FBXO41: variants seen among roughly 807,000 people sequenced by gnomAD.
FBXO41 encodes the protein F-box protein 41.
A neutral mutation model predicts 81.6 loss-of-function variants in FBXO41; 33 were observed. The observed-to-expected ratio is 0.40, with a 90% CI of 0.31 to 0.54. The LOEUF (loss-of-function observed/expected upper bound fraction) is 0.54. FBXO41 is among the 20% of genes least tolerant of loss of function. The probability of loss-of-function intolerance (pLI) is 0.39; values close to 1 mark genes in which losing one functional copy is unlikely to be tolerated. For synonymous variants in FBXO41, 576 were observed against 552.7 expected (o/e 1.04, Z -0.59); for missense variants, 1,107 against 1,236.0 (o/e 0.90, Z 1.56).
Position 73,258,903 on chromosome 2 carries a change from C to G in FBXO41, c.*79G>C, listed in dbSNP as rs757420604. 9.1e-5 allele frequency: 132 copies of G among 1,448,602 alleles called. No homozygotes were observed. The highest frequency in any genetic ancestry group is 1.2e-4 in the Non-Finnish European group (130 of 1,083,728). 89.7% of individuals were successfully genotyped at this position (1,448,602 alleles called of 1,614,324 possible). ...AACACTCGGCCTCCAAAGGTCTAGT[C>G]CAAACCAGGGTCCCTCTGAGGTCCA... On this transcript the variant is annotated 3_prime_UTR_variant, in exon 13 of 13. Coordinates refer to ENST00000520530, the MANE Select transcript of FBXO41 (RefSeq NM_001371389.2).
chr2:73,269,528 A>G lies in FBXO41; in HGVS notation c.103T>C (p.Tyr35His). The change falls in exon 2 of 13, where the codon TAC becomes CAC. Residue 35 changes from tyrosine to histidine, a missense_variant. This residue lies in a region of FBXO41 where 771 missense variants were observed against 789.2 expected (regional missense o/e 0.98). Coordinates refer to ENST00000520530, the MANE Select transcript of FBXO41 (RefSeq NM_001371389.2). The surrounding 1 kb of genome is among the most constrained non-coding windows in gnomAD (Gnocchi z 7.0). ...TTGGAGAGGATGTAGAGCGTCTCGT[A>G]GGTGTGGCTGTACTCCAGGTGCGCG... ...LRAHLEYSHTYETLYILSKTN... is the reference protein window; with the variant it reads ...LRAHLEYSHTHETLYILSKTN... 7.3e-7 allele frequency: 1 copy of G among 1,367,046 alleles called. No homozygotes were observed. Among genetic ancestry groups the G allele is most frequent in the East Asian group, 3.8e-5 (1 of 26,462 alleles). 84.7% of individuals were successfully genotyped at this position (1,367,046 alleles called of 1,614,324 possible).
chr2:73,265,661 C>T, intron 4 of FBXO41, 21 bp from the exon 5 acceptor site: 1 of 1,486,782 alleles, frequency 6.7e-7, no homozygotes. Context: ...GTGGACCACA[C>T]AGTAAGGGGT....
chr2:73,277,875 C>T (rs1209741188), intron 1 of FBXO41, among the ~76,000 whole-genome samples: 1 of 152,214 alleles, frequency 6.6e-6, no homozygotes, highest in African/African-American at 2.4e-5. Context: ...AAGTCTTCTT[C>T]ACCTTTTGGT....
chr2:73,270,124 A>G (rs770239493), intron 1 of FBXO41, among the ~76,000 whole-genome samples: 2 of 152,226 alleles, frequency 1.3e-5, no homozygotes, highest in Non-Finnish European at 2.9e-5. Flanking sequence ...ACACAGTGAC[A>G]TGGATGAGTC....
In FBXO41 at chr2:73,264,275, T is replaced by C; in HGVS notation, c.1806+3A>G. 1 of 1,612,970 alleles carries C rather than the reference T, an allele frequency of 6.2e-7. No individual in the cohort carries two copies. Reference sequence around the variant, plus strand: ...GGCACAGAAGGCAGGCAGGGGCAGGTACCTTGGAGCAGACACGGGCATTCT... The same window carrying C: ...GGCACAGAAGGCAGGCAGGGGCAGGCACCTTGGAGCAGACACGGGCATTCT... On this transcript the variant is annotated splice_donor_region_variant and intron_variant, in intron 6 of 12. Coordinates refer to ENST00000520530, the MANE Select transcript of FBXO41 (RefSeq NM_001371389.2).
At position 73,266,433 on chromosome 2, in the gene FBXO41, G is replaced by A; in HGVS notation, c.1131+24C>T. On this transcript the variant is annotated intron_variant, in intron 3 of 12. Transcript: ENST00000520530. The surrounding 1 kb of genome is among the most constrained non-coding windows in gnomAD (Gnocchi z 5.3). ...TGGGGGGCCAGGTGTGCAGGTAGAGGAGGGAAGGCAGGTGGGCACTCACCA... is the reference window on the plus strand; with the variant it reads ...TGGGGGGCCAGGTGTGCAGGTAGAGAAGGGAAGGCAGGTGGGCACTCACCA... 3 of 1,468,372 alleles carry A rather than the reference G, an allele frequency of 2.0e-6. No homozygotes were observed. The highest frequency in any genetic ancestry group is 2.6e-5 in the East Asian group (1 of 38,440). 91.0% of individuals were successfully genotyped at this position (1,468,372 alleles called of 1,614,324 possible). A position where few individuals can be genotyped will look rare whatever the true frequency, so the allele number is the denominator to read the frequency against.
chr2:73,273,057 C>T (rs937370295), intron 1 of FBXO41: 5 of 152,184 alleles, frequency 3.3e-5, no homozygotes, highest in Non-Finnish European at 7.3e-5. Context: ...TTTTTTTCCT[C>T]ACCCCCCTCT....
At chr2:73,265,715 A>C in intron 4 of FBXO41, 75 bp from the exon 5 acceptor site, 1 of 1,435,454 alleles carries the variant, frequency 7.0e-7, no homozygotes, top group Non-Finnish European at 9.3e-7. Flanking sequence ...TGCCCCTACC[A>C]TCAGCTGAGG....
chr2:73,266,844 C>A lies in FBXO41; in HGVS notation c.906-162G>T, dbSNP rs1688297994. 1 of 1,119,300 alleles carries A rather than the reference C, an allele frequency of 8.9e-7. No individual in the cohort carries two copies. The highest frequency in any genetic ancestry group is 1.2e-6 in the Non-Finnish European group (1 of 848,164). 69.3% of individuals were successfully genotyped at this position (1,119,300 alleles called of 1,614,324 possible). A position where few individuals can be genotyped will look rare whatever the true frequency, so the allele number is the denominator to read the frequency against. On this transcript the variant is annotated intron_variant, in intron 2 of 12. Transcript: ENST00000520530. This position sits in a 1 kb window ranked among gnomAD's most constrained non-coding sequence, Gnocchi z 5.3. Reference sequence around the variant, plus strand: ...AGAACAGGCCTAGCACACAGCCCCGCACGATGACACATACAGAAATGCATG... The same window carrying A: ...AGAACAGGCCTAGCACACAGCCCCGAACGATGACACATACAGAAATGCATG...
At position 73,259,413 on chromosome 2, in the gene FBXO41, G is replaced by A. The variant is rs1187632621; in HGVS notation, c.2450-117C>T. On this transcript the variant is annotated intron_variant, in intron 11 of 12. Coordinates refer to ENST00000520530, the MANE Select transcript of FBXO41 (RefSeq NM_001371389.2). This position sits in a 1 kb window ranked among gnomAD's most constrained non-coding sequence, Gnocchi z 4.2. ...GGTGCCAGCTACCGGGAACACGACA[G>A]AGGAGAGCAGACTCATGCCACCTGG... 4.7e-6 allele frequency: 4 copies of A among 855,424 alleles called. No individual in the cohort carries two copies. The African/African-American group carries it at 6.6e-5, about 14-fold the overall frequency. The allele number at this position is 855,424 out of a possible 1,614,324, so 53.0% of individuals were successfully genotyped here.
rs372083264 is a variant in FBXO41, at chr2:73,264,550, G to A, written c.1565-31C>T. On this transcript the variant is annotated intron_variant, in intron 5 of 12. Coordinates refer to ENST00000520530, the MANE Select transcript of FBXO41 (RefSeq NM_001371389.2). ...GAATACCAGGGGTTCAAAAGTGAGC[G>A]TGGAGGGTCAAGGCTGGTGTGGGGA... 9.7e-5 allele frequency: 156 copies of A among 1,611,280 alleles called. No homozygotes were observed. In the African/African-American group the frequency reaches 1.7e-3, roughly 17 times the overall value.
At chr2:73,281,856 G>T (rs535692315) in intron 1 of FBXO41, among the ~76,000 whole-genome samples, 1 of 152,230 alleles carries the variant, frequency 6.6e-6, no homozygotes. Context: ...CTAAAACCAT[G>T]ATAAACTAGG....
intron 1 of FBXO41, among the ~76,000 whole-genome samples, chr2:73,283,623 A>G (rs1443843503): frequency 6.6e-6 from 1 of 152,208 alleles, no homozygotes; most frequent in Non-Finnish European, 1.5e-5. Flanking sequence ...ACACATTCAG[A>G]GACACTGTGA....
intron 2 of FBXO41, among the ~76,000 whole-genome samples, chr2:73,268,075 C>T (rs1574384892): frequency 6.6e-6 from 1 of 152,038 alleles, no homozygotes; most frequent in African/African-American, 2.4e-5. Context: ...AAGAGTGTCC[C>T]GGAAGCCAAG....
intron 1 of FBXO41, among the ~76,000 whole-genome samples, chr2:73,274,889 T>C (rs1327121337): frequency 1.3e-5 from 2 of 151,556 alleles, no homozygotes; most frequent in African/African-American, 4.9e-5. Context: ...TTTTTTTCTT[T>C]TTTTTTTTGG....
chr2:73,269,271 G>A lies in FBXO41; in HGVS notation c.360C>T (p.Gly120=). 1 of 1,530,712 alleles carries A rather than the reference G, an allele frequency of 6.5e-7. No homozygotes were observed. 94.8% of individuals were successfully genotyped at this position (1,530,712 alleles called of 1,614,324 possible). A position where few individuals can be genotyped will look rare whatever the true frequency, so the allele number is the denominator to read the frequency against. ...AGGGCAGGCTAGCGGGCACCAGGTC[G>A]CCGGGGAAGTGGGCGAGGGGAGCGT... ...HHHAPLAHFP[G]DLVPASLPCE... Residue 120 remains glycine, a synonymous_variant, in exon 2 of 13, where the codon GGC becomes GGT. Coordinates refer to ENST00000520530, the MANE Select transcript of FBXO41 (RefSeq NM_001371389.2). The surrounding 1 kb of genome is among the most constrained non-coding windows in gnomAD (Gnocchi z 7.0).
intron 6 of FBXO41, 58 bp from the exon 7 acceptor site, chr2:73,264,111 G>A: frequency 1.3e-6 from 2 of 1,553,744 alleles, no homozygotes; most frequent in Middle Eastern, 1.7e-4. Flanking sequence ...GTTGGCTGGA[G>A]GTGGGCCAGC....
intron 1 of FBXO41, among the ~76,000 whole-genome samples, chr2:73,274,766 A>G (rs1257247922): frequency 1.3e-5 from 2 of 151,836 alleles, no homozygotes; most frequent in Non-Finnish European, 2.9e-5. Context: ...GGGTCTCACT[A>G]TGTTGCCCAG....
At chr2:73,274,411 T>C in intron 1 of FBXO41, among the ~76,000 whole-genome samples, 1 of 152,262 alleles carries the variant, frequency 6.6e-6, no homozygotes, top group East Asian at 1.9e-4. Context: ...GTGTCATTTA[T>C]ATACCTCAAA....
Sources: gnomAD v4.1 joint callset for allele counts (sites outside exome capture counted in the v4.1 genomes callset) on GRCh38, gnomAD v4.1.1 for gene constraint, gnomAD v4.1.1 regional missense constraint, Gnocchi (gnomAD v3.1) non-coding constraint, MANE v1.5 for transcripts, NCBI Gene and HGNC (gene_info 2026-07-23, HGNC 2026-07-21) for gene names.